Variants in CDHR2 observed in about 807,000 individuals in gnomAD.
CDHR2 encodes cadherin-related family member 2.
Under a neutral mutation model 138.6 loss-of-function variants are expected in CDHR2, and 104 were observed. That is an observed-to-expected ratio of 0.75 (90% CI 0.64 to 0.88). The LOEUF (loss-of-function observed/expected upper bound fraction) is 0.88, where lower values mean the gene tolerates loss of function less well. Among genes scored for constraint, CDHR2 ranks in the 40% least tolerant of loss-of-function variants. The pLI, the probability that CDHR2 is intolerant of heterozygous loss-of-function variation, is 0.00. For missense variants in CDHR2, 1,624 were observed against 1,727.6 expected (o/e 0.94, Z 1.06); for synonymous variants, 755 against 742.8 (o/e 1.02, Z -0.27).
intron 30 of CDHR2, chr5:176,591,761 TGATGATGAC>T (rs1758857561): frequency 1.4e-5 from 2 of 146,650 alleles, no homozygotes; most frequent in African/African-American, 4.3e-5. Flanking sequence ...GTGATGATGG[TGATGATGAC>T]GATGGTGGTG....
intron 31 of CDHR2, among the ~76,000 whole-genome samples, chr5:176,595,176 G>A (rs1758993913): frequency 6.6e-6 from 1 of 152,196 alleles, no homozygotes; most frequent in South Asian, 2.1e-4. Context: ...CCCACACGGT[G>A]CCTGCCGTGG....
intron 5 of CDHR2, among the ~76,000 whole-genome samples, chr5:176,570,151 C>T (rs981645881): frequency 1.3e-5 from 2 of 152,170 alleles, no homozygotes; most frequent in Non-Finnish European, 2.9e-5. Flanking sequence ...TGAAAGCTGC[C>T]TTGCCCACTC....
At chr5:176,566,899 A>AGGGGGACAAGTGGATATT in intron 3 of CDHR2, 1 of 455,474 alleles carries the variant, frequency 2.2e-6, no homozygotes, top group Non-Finnish European at 4.4e-6. Flanking sequence ...TTCTCAGAAA[A>AGGGGGACAAGTGGATATT]GGGGGACAAG....
chr5:176,558,115 C>T (rs1327476481), intron 1 of CDHR2, among the ~76,000 whole-genome samples: 1 of 152,122 alleles, frequency 6.6e-6, no homozygotes, highest in Non-Finnish European at 1.5e-5. Flanking sequence ...GGGAACGGGA[C>T]CCCCTGAGCC....
chr5:176,588,566 T>G (rs997961722), intron 21 of CDHR2, among the ~76,000 whole-genome samples: 1 of 146,930 alleles, frequency 6.8e-6, no homozygotes, highest in African/African-American at 2.6e-5. Context: ...AGTGGGACAG[T>G]GTGTGAGAGT....
upstream of CDHR2, among the ~76,000 whole-genome samples, chr5:176,546,745 CAAAAAA>C (rs10719325): frequency 2.6e-4 from 16 of 61,310 alleles, no homozygotes; most frequent in African/African-American, 8.6e-4. Flanking sequence ...ACATGGTGCT[CAAAAAA>C]AAAAAAAAAA....
chr5:176,568,884 C>A (rs781003989), intron 4 of CDHR2, 67 bp downstream of exon 4: 1 of 1,610,680 alleles, frequency 6.2e-7, no homozygotes, highest in Non-Finnish European at 8.5e-7. Flanking sequence ...TGGGAGCCCG[C>A]GTCCTGGTGG....
At chr5:176,591,746 T>C in intron 30 of CDHR2, 1 of 244,360 alleles carries the variant, frequency 4.1e-6, no homozygotes. Flanking sequence ...GTGATGGTGA[T>C]GGTGGTGATG....
At chr5:176,542,742 C>T (rs987155187) in exon 1 of CDHR2, 8 of 152,354 alleles carry the variant, frequency 5.3e-5, no homozygotes, top group African/African-American at 1.9e-4. Flanking sequence ...CTCTCCGGAC[C>T]CCGCAGCGTT....
chr5:176,569,047 C>T lies in CDHR2; in HGVS notation c.315+37C>T, dbSNP rs374958560. On this transcript the variant is annotated intron_variant, in intron 5 of 31. Coordinates refer to ENST00000261944, the MANE Select transcript of CDHR2 (RefSeq NM_017675.6). Reference sequence around the variant, plus strand: ...GGTGCAGGGGGGTAGACAGGGATTGCGAGAGTCCATTCCTGATTGTGTCCC... The same window carrying T: ...GGTGCAGGGGGGTAGACAGGGATTGTGAGAGTCCATTCCTGATTGTGTCCC... The T allele has an allele frequency of 2.3e-5, 37 of 1,604,970 alleles. No homozygotes were observed. In the African/African-American group the frequency reaches 2.7e-4, roughly 12 times the overall value.
Position 176,575,738 on chromosome 5 carries a change from G to C in CDHR2, c.859G>C (p.Gly287Arg). ...IYSISYSTRPGWFDIGADGVI... is the reference protein window; with the variant it reads ...IYSISYSTRPRWFDIGADGVI... ...CTCCTTGCCAGACTCCACGCGGCCC[G>C]GCTGGTTTGACATCGGGGCAGATGG... The change falls in exon 11 of 32, where the codon GGC becomes CGC. Residue 287 changes from glycine (G) to arginine (R), a missense_variant. By Grantham distance (125) the Gly-to-Arg change is moderately radical. This residue lies in a region of CDHR2 where 1,061 missense variants were observed against 1,136.6 expected (regional missense o/e 0.93). Coordinates refer to ENST00000261944, the MANE Select transcript of CDHR2 (RefSeq NM_017675.6). 6.4e-7 allele frequency: 1 copy of C among 1,574,516 alleles called. No individual in the cohort carries two copies. The highest frequency in any genetic ancestry group is 8.6e-7 in the Non-Finnish European group (1 of 1,159,410).
In CDHR2 at chr5:176,572,205, G is replaced by A. The variant is rs1053435954; in HGVS notation, c.405+903G>A. Among the ~76,000 whole-genome samples, 348 of 145,644 alleles carry A rather than the reference G, an allele frequency of 2.4e-3. 2 individuals are homozygous for A. Among genetic ancestry groups the A allele is most frequent in the African/African-American group, 8.7e-3 (338 of 38,770 alleles). ...TGGAGACCAGCCTGACCAACATGGA[G>A]AAACCCCGTCTCTACTGAAAAAAAA... On this transcript the variant is annotated intron_variant, in intron 6 of 31. Coordinates refer to ENST00000261944, the MANE Select transcript of CDHR2 (RefSeq NM_017675.6).
In CDHR2 at chr5:176,543,057, TGGACCTAGCGGAC is replaced by T. The variant is rs1290664496; in HGVS notation, c.-16+291_-16+303del. ...CCGGGGCTCCCCGAGTTGGGGCGTTTGGACCTAGCGGACGGGGAGAAGAGCGGCGCAGCTCCCG... is the reference window on the plus strand; with the variant it reads ...CCGGGGCTCCCCGAGTTGGGGCGTTTGGGGAGAAGAGCGGCGCAGCTCCCG... On this transcript the variant is annotated intron_variant, in intron 1 of 31. Coordinates refer to the CDHR2 transcript ENST00000510636. The surrounding 1 kb of genome is among the most constrained non-coding windows in gnomAD (Gnocchi z 4.0). Among the ~76,000 whole-genome samples, 1 of 151,680 alleles carries T rather than the reference TGGACCTAGCGGAC, an allele frequency of 6.6e-6. No individual in the cohort carries two copies. The highest frequency in any genetic ancestry group is 1.5e-5 in the Non-Finnish European group (1 of 67,822).
chr5:176,565,701 G>T lies in CDHR2; in HGVS notation c.82G>T (p.Ala28Ser), dbSNP rs1204278271. Residue 28 changes from alanine (A) to serine (S), a missense_variant, in exon 3 of 32, where the codon GCC becomes TCC. Around this residue, in one of 3 missense-constraint regions of CDHR2, gnomAD observed 1,061 missense variants for 1,136.6 expected, o/e 0.93. Coordinates refer to ENST00000261944, the MANE Select transcript of CDHR2 (RefSeq NM_017675.6). ...VAANVAPKFL[A>S]NMTSVILPED... ...AGCCAACGTGGCCCCGAAGTTCCTAGCCAACATGACGTCAGTGATCCTGCC... is the reference window on the plus strand; with the variant it reads ...AGCCAACGTGGCCCCGAAGTTCCTATCCAACATGACGTCAGTGATCCTGCC... The T allele has an allele frequency of 2.5e-6, 4 of 1,613,900 alleles. No homozygotes were observed. The highest frequency in any genetic ancestry group is 3.4e-6 in the Non-Finnish European group (4 of 1,179,966).
At chr5:176,578,634 G>T in intron 16 of CDHR2, 26 bp downstream of exon 16, 1 of 1,604,048 alleles carries the variant, frequency 6.2e-7, no homozygotes, top group Non-Finnish European at 8.5e-7. Flanking sequence ...GACCTGGTGG[G>T]TAAGGCTGGG....
At chr5:176,587,457 A>T (rs952794548) in intron 21 of CDHR2, among the ~76,000 whole-genome samples, 1 of 150,256 alleles carries the variant, frequency 6.7e-6, no homozygotes, top group Non-Finnish European at 1.5e-5. Flanking sequence ...TCAAAAAAAA[A>T]TAAATAAATA....
At chr5:176,575,049 C>T in intron 7 of CDHR2, 35 bp from the exon 8 acceptor site, 1 of 1,612,496 alleles carries the variant, frequency 6.2e-7, no homozygotes, top group African/African-American at 1.3e-5. Flanking sequence ...CAGGGCTGTC[C>T]CTAGGGAGCC....
rs765553798 is a variant in CDHR2 at position 176,590,151 on chromosome 5, G to A, written c.3275+5G>A. On this transcript the variant is annotated splice_donor_5th_base_variant and intron_variant, in intron 25 of 31. Transcript: ENST00000261944. ...GGACATAGATTCTGCAGCTCGGTGA[G>A]TGCCCAGAGGCCTGGGGGTGGGGTT... The A allele has an allele frequency of 2.5e-6, 4 of 1,613,330 alleles. No homozygotes were observed. The highest frequency in any genetic ancestry group is 4.5e-5 in the East Asian group (2 of 44,876).
intron 20 of CDHR2, among the ~76,000 whole-genome samples, chr5:176,586,251 A>G (rs961958211): frequency 1.2e-4 from 19 of 152,250 alleles, no homozygotes; most frequent in African/African-American, 4.3e-4. Flanking sequence ...GCTGGAGCGC[A>G]ATGGTACGAT....
Sources: gnomAD v4.1 joint callset for allele counts (sites outside exome capture counted in the v4.1 genomes callset) on GRCh38, gnomAD v4.1.1 for gene constraint, gnomAD v4.1.1 regional missense constraint, Gnocchi (gnomAD v3.1) non-coding constraint, MANE v1.5 for transcripts, NCBI Gene and HGNC (gene_info 2026-07-23, HGNC 2026-07-21) for gene names.